Variants in RFX3 observed in about 807,000 individuals in gnomAD.
The protein encoded by RFX3 is regulatory factor X3.
A neutral mutation model predicts 98.6 loss-of-function variants in RFX3; 14 were observed. The observed-to-expected ratio is 0.14, with a 90% CI of 0.09 to 0.22. RFX3 has a LOEUF of 0.22. RFX3 is among the 10% of genes least tolerant of loss of function. The probability of loss-of-function intolerance (pLI) is 1.00; values close to 1 mark genes in which losing one functional copy is unlikely to be tolerated. For missense variants in RFX3, 639 were observed against 926.9 expected (o/e 0.69, Z 4.03); for synonymous variants, 383 against 328.4 (o/e 1.17, Z -1.80).
chr9:3,489,378 T>C (rs1850549591), intron 1 of RFX3: 2 of 973,926 alleles, frequency 2.1e-6, no homozygotes, highest in Non-Finnish European at 2.4e-6. Flanking sequence ...CCTTTCTGAA[T>C]GGCAGTGGAA....
intron 2 of RFX3, among the ~76,000 whole-genome samples, chr9:3,355,399 T>A (rs1285200168): frequency 6.6e-6 from 1 of 151,712 alleles, no homozygotes; most frequent in Non-Finnish European, 1.5e-5. Flanking sequence ...TAAGAAAAAA[T>A]GGACTGGCTA....
rs1384168306 is a variant in RFX3, at chr9:3,218,653, T to C, written c.*6389A>G. 6.6e-6 allele frequency: 1 copy of C among 152,130 alleles called. No homozygotes were observed. Among genetic ancestry groups the C allele is most frequent in the African/African-American group, 2.4e-5 (1 of 41,454 alleles). The allele number at this position is 152,130 out of a possible 1,614,324, so 9.4% of individuals were successfully genotyped here. A position where few individuals can be genotyped will look rare whatever the true frequency, so the allele number is the denominator to read the frequency against. The stretch of plus-strand genomic sequence containing the variant: ...ATCAAATACATTATACAAAAAACCA[T>C]CACATGTTATTCGGTAAAGATGTTT... On this transcript the variant is annotated 3_prime_UTR_variant, in exon 17 of 17. Transcript: ENST00000617270.
chr9:3,247,357 T>C lies in RFX3; in HGVS notation c.1968+675A>G, dbSNP rs558139015. 5.1e-6 allele frequency: 5 copies of C among 986,088 alleles called. No individual in the cohort carries two copies. The South Asian group carries it at 1.4e-4, about 27-fold the overall frequency. 61.1% of individuals were successfully genotyped at this position (986,088 alleles called of 1,614,324 possible). The stretch of plus-strand genomic sequence containing the variant: ...CTTACATCATTAGTGGTTAGAAGCA[T>C]ATGGGTTTGAAAATCAGACTGTGTT... On this transcript the variant is annotated intron_variant, in intron 15 of 16. Transcript: ENST00000617270.
intron 7 of RFX3, among the ~76,000 whole-genome samples, chr9:3,285,450 C>G (rs1826465020): frequency 6.6e-6 from 1 of 151,424 alleles, no homozygotes; most frequent in Non-Finnish European, 1.5e-5. Context: ...AGTTTATGTC[C>G]ACACCCATGA....
Position 3,293,099 on chromosome 9 carries a change from G to T in RFX3, c.709C>A (p.Arg237=). Residue 237 remains arginine (R), a synonymous_variant, in exon 6 of 17, where the codon CGA becomes AGA. Transcript: ENST00000617270. The stretch of plus-strand genomic sequence containing the variant: ...AACCTAGTGCCCAATCTCCTGGTTC[G>T]TAGCCCCATAAAAATTGATCTTATT... The part of the protein sequence containing the change: ...KLIRSIFMGL[R]TRRLGTRGNS... The T allele has an allele frequency of 6.2e-7, 1 of 1,611,832 alleles. No individual in the cohort carries two copies.
At chr9:3,396,187 C>T (rs1840850479) in intron 1 of RFX3, among the ~76,000 whole-genome samples, 1 of 152,006 alleles carries the variant, frequency 6.6e-6, no homozygotes, top group Non-Finnish European at 1.5e-5. Flanking sequence ...TATGCCTCCC[C>T]CCTCCCCTCC....
chr9:3,363,353 T>C (rs947371264), intron 2 of RFX3, among the ~76,000 whole-genome samples: 10 of 152,202 alleles, frequency 6.6e-5, no homozygotes, highest in Non-Finnish European at 1.0e-4. Context: ...AGAGAGACCA[T>C]AAGAATATGT....
intron 15 of RFX3, among the ~76,000 whole-genome samples, chr9:3,236,147 G>C (rs993059466): frequency 6.6e-6 from 1 of 152,060 alleles, no homozygotes; most frequent in African/African-American, 2.4e-5. Context: ...AATCTTTTAT[G>C]ATATATTTGC....
intron 1 of RFX3, among the ~76,000 whole-genome samples, chr9:3,513,255 T>A (rs1444816529): frequency 6.6e-6 from 1 of 152,152 alleles, no homozygotes; most frequent in Admixed American, 6.5e-5. Context: ...ATTAGAAATG[T>A]CATCAGTCAT....
At chr9:3,314,201 C>G (rs1006720805) in intron 4 of RFX3, among the ~76,000 whole-genome samples, 7 of 152,098 alleles carry the variant, frequency 4.6e-5, no homozygotes, top group East Asian at 3.9e-4. Flanking sequence ...AGCCAGAAGA[C>G]AGTGGGGGCC....
chr9:3,252,091 G>C (rs113571637), intron 14 of RFX3, among the ~76,000 whole-genome samples: 2,794 of 151,466 alleles, frequency 0.018, 91 homozygotes, highest in African/African-American at 0.064. Flanking sequence ...CAGGTGATCC[G>C]CCCACCTCGG....
At chr9:3,422,553 G>T (rs2132370793) in intron 1 of RFX3, among the ~76,000 whole-genome samples, 1 of 152,180 alleles carries the variant, frequency 6.6e-6, no homozygotes, top group East Asian at 1.9e-4. Flanking sequence ...GATGCTACTG[G>T]GAATCAAAGA....
At chr9:3,363,499 C>A (rs1028584196) in intron 2 of RFX3, among the ~76,000 whole-genome samples, 1 of 152,082 alleles carries the variant, frequency 6.6e-6, no homozygotes, top group Admixed American at 6.5e-5. Flanking sequence ...CTGGAAATTA[C>A]AAGAATGAAT....
intron 4 of RFX3, among the ~76,000 whole-genome samples, chr9:3,304,853 G>T (rs1429419071): frequency 6.6e-6 from 1 of 151,944 alleles, no homozygotes; most frequent in Non-Finnish European, 1.5e-5. Context: ...TGCCAAACAA[G>T]ACTACTTGTA....
intron 1 of RFX3, among the ~76,000 whole-genome samples, chr9:3,516,027 C>T (rs1381195135): frequency 6.6e-6 from 1 of 151,942 alleles, no homozygotes; most frequent in East Asian, 1.9e-4. Context: ...AGTCTACTAA[C>T]CAAAGTAGTA....
chr9:3,355,867 G>C (rs551278995), intron 2 of RFX3, among the ~76,000 whole-genome samples: 3 of 151,682 alleles, frequency 2.0e-5, no homozygotes, highest in Non-Finnish European at 4.4e-5. Context: ...ATTCGAAATC[G>C]AGGACAAAAA....
intron 1 of RFX3, among the ~76,000 whole-genome samples, chr9:3,442,292 C>T (rs1044430832): frequency 9.2e-5 from 14 of 151,790 alleles, no homozygotes; most frequent in Admixed American, 4.6e-4. Context: ...CAATGATAAG[C>T]GTATATTGAT....
chr9:3,524,295 G>A (rs1242307329), intron 1 of RFX3, among the ~76,000 whole-genome samples: 2 of 151,846 alleles, frequency 1.3e-5, no homozygotes, highest in African/African-American at 4.8e-5. Flanking sequence ...ACTATATAAG[G>A]ACTAATAAGT....
chr9:3,227,891 G>A (rs548207517), intron 16 of RFX3, among the ~76,000 whole-genome samples: 19 of 152,074 alleles, frequency 1.2e-4, no homozygotes, highest in Non-Finnish European at 2.5e-4. Flanking sequence ...ACACTTTGGC[G>A]AATAGCGCCG....
Sources: gnomAD v4.1 joint callset for allele counts (sites outside exome capture counted in the v4.1 genomes callset) on GRCh38, gnomAD v4.1.1 for gene constraint, MANE v1.5 for transcripts, NCBI Gene and HGNC (gene_info 2026-07-23, HGNC 2026-07-21) for gene names.